MYT1L: variants seen among roughly 807,000 people sequenced by gnomAD.
MYT1L encodes myelin transcription factor 1-like protein.
In MYT1L, 12 loss-of-function variants were observed where a neutral mutation model predicts 126.7. That is an observed-to-expected ratio of 0.09 (90% CI 0.06 to 0.15). MYT1L has a LOEUF of 0.15. MYT1L is among the 10% of genes least tolerant of loss of function. MYT1L has a pLI of 1.00. For synonymous variants in MYT1L, 541 were observed against 604.2 expected, an observed-to-expected ratio of 0.90 and a Z score of 1.53; for missense variants, 979 against 1,585.2, an observed-to-expected ratio of 0.62 and a Z score of 6.49.
chr2:1,950,690 T>TGGGCAGGAGGTGGTCAG (rs2057668333), intron 8 of MYT1L, among the ~76,000 whole-genome samples: 1 of 152,100 alleles, frequency 6.6e-6, no homozygotes, highest in Non-Finnish European at 1.5e-5. Flanking sequence ...GGAGGCTGCA[T>TGGGCAGGAGGTGGTCAG]GGGCAGGAGG....
chr2:1,889,431 A>G lies in MYT1L; in HGVS notation c.2330T>C (p.Met777Thr), dbSNP rs2048555630. The G allele has an allele frequency of 6.2e-7, 1 of 1,613,110 alleles. No individual in the cohort carries two copies. Among genetic ancestry groups the G allele is most frequent in the Non-Finnish European group, 8.5e-7 (1 of 1,179,314 alleles). The change falls in exon 16 of 25, where the codon ATG (methionine) becomes ACG (threonine). Residue 777 changes from methionine to threonine, a missense_variant. This residue lies in a region of MYT1L where 141 missense variants were observed against 170.6 expected (regional missense o/e 0.83). Coordinates refer to ENST00000647738, the MANE Select transcript of MYT1L (RefSeq NM_001303052.2). The surrounding 1 kb of genome is among the most constrained non-coding windows in gnomAD (Gnocchi z 4.1). ...VDENGTLDLS[M>T]NKQRPRDSCC... ...GCTGTCCCGCGGCCTCTGCTTGTTC[A>G]TGCTGAGGTCCAGGGTCCCGTTCTC...
intron 1 of MYT1L, among the ~76,000 whole-genome samples, chr2:2,322,939 T>G (rs1029116124): frequency 6.6e-6 from 1 of 152,178 alleles, no homozygotes. Context: ...AAACTCAATT[T>G]TTTTCTTCAT....
At chr2:1,934,295 T>C (rs571041401) in intron 9 of MYT1L, among the ~76,000 whole-genome samples, 2 of 145,002 alleles carry the variant, frequency 1.4e-5, no homozygotes, top group East Asian at 2.3e-4. Flanking sequence ...TTATAACATA[T>C]ATATATATAT....
chr2:1,809,398 G>A (rs965857581), intron 21 of MYT1L, among the ~76,000 whole-genome samples: 5 of 139,322 alleles, frequency 3.6e-5, no homozygotes, highest in South Asian at 2.6e-4. Flanking sequence ...ATGGGTGCTC[G>A]GCTGGGGCTG....
At chr2:1,945,708 G>A (rs2057148107) in intron 8 of MYT1L, among the ~76,000 whole-genome samples, 1 of 152,166 alleles carries the variant, frequency 6.6e-6, no homozygotes, top group South Asian at 2.1e-4. Context: ...TCTGGCACCT[G>A]CTAGGTACTC....
At chr2:1,881,096 A>T (rs999112757) in intron 18 of MYT1L, among the ~76,000 whole-genome samples, 1 of 152,124 alleles carries the variant, frequency 6.6e-6, no homozygotes, top group Non-Finnish European at 1.5e-5. Flanking sequence ...CCAAACCCCA[A>T]TGCCTGGGTC....
intron 18 of MYT1L, among the ~76,000 whole-genome samples, chr2:1,870,438 A>C (rs1257126384): frequency 1.3e-5 from 2 of 152,204 alleles, no homozygotes; most frequent in African/African-American, 4.8e-5. Context: ...TCAAACACAC[A>C]GCAGGACAGG....
rs1237285623 is a variant in MYT1L, at chr2:1,806,018, T to A, written c.3172+3058A>T. On this transcript the variant is annotated intron_variant, in intron 22 of 24. Transcript: ENST00000647738. The surrounding 1 kb of genome is among the most constrained non-coding windows in gnomAD (Gnocchi z 4.9). ...TCTGTCCCCTGAAGAGCATCAGGAATTGGATGCTGTGCCTCTGTCCCCTGA... is the reference window on the plus strand; with the variant it reads ...TCTGTCCCCTGAAGAGCATCAGGAAATGGATGCTGTGCCTCTGTCCCCTGA... 2.9e-5 allele frequency among the ~76,000 whole-genome samples: 4 copies of A among 139,104 alleles called. No individual in the cohort carries two copies. In the East Asian group the frequency reaches 9.1e-4, roughly 32 times the overall value. 91.3% of individuals were successfully genotyped at this position (139,104 alleles called of 152,430 possible).
intron 13 of MYT1L, among the ~76,000 whole-genome samples, chr2:1,908,910 T>G (rs886301497): frequency 1.3e-5 from 2 of 152,200 alleles, no homozygotes; most frequent in Admixed American, 6.5e-5. Flanking sequence ...GATAGTAGGG[T>G]CATAGATGGC....
chr2:2,054,294 C>T (rs2069201249), intron 3 of MYT1L, among the ~76,000 whole-genome samples, 171 bp from the exon 4 acceptor site: 1 of 152,038 alleles, frequency 6.6e-6, no homozygotes, highest in Non-Finnish European at 1.5e-5. Context: ...AGATGAGATG[C>T]ATGGGGATGA....
At chr2:2,175,929 G>A (rs1288402314) in intron 2 of MYT1L, among the ~76,000 whole-genome samples, 1 of 152,206 alleles carries the variant, frequency 6.6e-6, no homozygotes, top group African/African-American at 2.4e-5. Context: ...GGGCTGGGTT[G>A]AGATGAATAA....
At position 1,849,148 on chromosome 2, in the gene MYT1L, T is replaced by G. The variant is rs995559173; in HGVS notation, c.2774+2493A>C. Among the ~76,000 whole-genome samples the G allele has an allele frequency of 7.5e-5, 6 of 80,498 alleles. 1 individual carries two copies. Among genetic ancestry groups the G allele is most frequent in the African/African-American group, 2.4e-4 (6 of 24,718 alleles). 52.8% of individuals were successfully genotyped at this position (80,498 alleles called of 152,430 possible). On this transcript the variant is annotated intron_variant, in intron 19 of 24. Transcript: ENST00000647738. Reference sequence around the variant, plus strand: ...AGGACTAAATTTACATGATGCCAACTCCCACCAAAAAAAAAAAAAAATCAG... The same window carrying G: ...AGGACTAAATTTACATGATGCCAACGCCCACCAAAAAAAAAAAAAAATCAG...
intron 2 of MYT1L, among the ~76,000 whole-genome samples, chr2:2,174,010 T>C (rs772798305): frequency 6.6e-6 from 1 of 152,152 alleles, no homozygotes; most frequent in Non-Finnish European, 1.5e-5. Context: ...AATGCAACCA[T>C]AACAATTATT....
chr2:2,148,800 A>T (rs1371524382), intron 3 of MYT1L, among the ~76,000 whole-genome samples: 1 of 152,222 alleles, frequency 6.6e-6, no homozygotes, highest in Non-Finnish European at 1.5e-5. Context: ...AGTGCACAGC[A>T]TGAGCCTCCA....
intron 8 of MYT1L, among the ~76,000 whole-genome samples, chr2:1,970,289 G>C (rs943594225): frequency 5.9e-5 from 9 of 152,120 alleles, no homozygotes; most frequent in Non-Finnish European, 7.3e-5. Flanking sequence ...CGAAGAGCCG[G>C]GTCCCAGCGA....
intron 8 of MYT1L, among the ~76,000 whole-genome samples, chr2:1,963,925 C>T (rs768626159): frequency 6.6e-6 from 1 of 152,218 alleles, no homozygotes; most frequent in Non-Finnish European, 1.5e-5. Flanking sequence ...AATTTAATTT[C>T]CTCTAAGAAC....
At chr2:2,175,214 G>GC (rs2090591825) in intron 2 of MYT1L, among the ~76,000 whole-genome samples, 2 of 152,098 alleles carry the variant, frequency 1.3e-5, no homozygotes, top group African/African-American at 4.8e-5. Context: ...CCAGGGCGGT[G>GC]CCCACCACCC....
intron 21 of MYT1L, among the ~76,000 whole-genome samples, chr2:1,830,210 C>CG (rs997486321): frequency 9.9e-5 from 15 of 152,090 alleles, no homozygotes; most frequent in Admixed American, 9.8e-4. Context: ...GAGTCACTCA[C>CG]GGGGGGTCAG....
chr2:1,830,912 C>T (rs368656969), intron 21 of MYT1L, among the ~76,000 whole-genome samples: 8 of 152,306 alleles, frequency 5.3e-5, no homozygotes, highest in South Asian at 2.1e-4. Flanking sequence ...CTGCACCTCC[C>T]GCATGCACCT....
Sources: gnomAD v4.1 joint callset for allele counts (sites outside exome capture counted in the v4.1 genomes callset) on GRCh38, gnomAD v4.1.1 for gene constraint, gnomAD v4.1.1 regional missense constraint, Gnocchi (gnomAD v3.1) non-coding constraint, MANE v1.5 for transcripts, NCBI Gene and HGNC (gene_info 2026-07-23, HGNC 2026-07-21) for gene names.